Variants in FOCAD observed in about 807,000 individuals in gnomAD.
FOCAD encodes the protein KIAA1797.
In FOCAD, 198 loss-of-function variants were observed where a neutral mutation model predicts 225.6. The observed-to-expected ratio is 0.88, with a 90% CI of 0.78 to 0.99. The LOEUF (loss-of-function observed/expected upper bound fraction) is 0.99. FOCAD is among the 50% of genes least tolerant of loss of function. The pLI, the probability that FOCAD is intolerant of heterozygous loss-of-function variation, is 0.00. For missense variants in FOCAD, 2,713 were observed against 2,123.6 expected (o/e 1.28, Z -5.46); for synonymous variants, 897 against 755.0 (o/e 1.19, Z -3.08).
chr9:20,818,839 T>G (rs1824013014), intron 11 of FOCAD, among the ~76,000 whole-genome samples: 1 of 152,158 alleles, frequency 6.6e-6, no homozygotes, highest in African/African-American at 2.4e-5. Context: ...CAGGATTATT[T>G]AGGGTATTTA....
chr9:20,852,617 A>C (rs533267418), intron 15 of FOCAD, among the ~76,000 whole-genome samples: 1 of 151,756 alleles, frequency 6.6e-6, no homozygotes, highest in Admixed American at 6.6e-5. Flanking sequence ...ATTCCTAAAA[A>C]CTTTATCTTT....
At chr9:20,949,366 A>C (rs901996889) in intron 32 of FOCAD, among the ~76,000 whole-genome samples, 1 of 152,160 alleles carries the variant, frequency 6.6e-6, no homozygotes, top group African/African-American at 2.4e-5. Context: ...GTTTTTATGC[A>C]TTAAAAGTTG....
chr9:20,857,377 C>G (rs1055952704), intron 15 of FOCAD, among the ~76,000 whole-genome samples: 12 of 150,732 alleles, frequency 8.0e-5, no homozygotes, highest in Non-Finnish European at 1.0e-4. Context: ...GAATTCCTTT[C>G]TTGGTTTCTT....
chr9:20,718,756 C>A (rs532725184), intron 3 of FOCAD, among the ~76,000 whole-genome samples: 1 of 152,248 alleles, frequency 6.6e-6, no homozygotes, highest in South Asian at 2.1e-4. Context: ...ACTTAAACTG[C>A]CAGGATTTAT....
At chr9:20,748,269 G>T (rs1236815237) in intron 5 of FOCAD, among the ~76,000 whole-genome samples, 1 of 151,986 alleles carries the variant, frequency 6.6e-6, no homozygotes, top group Non-Finnish European at 1.5e-5. Flanking sequence ...ACCATTTCTG[G>T]ACAGAACATA....
At chr9:20,809,743 A>C (rs1253945434) in intron 11 of FOCAD, among the ~76,000 whole-genome samples, 1 of 152,170 alleles carries the variant, frequency 6.6e-6, no homozygotes, top group Non-Finnish European at 1.5e-5. Flanking sequence ...GCTGTGAACC[A>C]CTTGAGATGG....
intron 17 of FOCAD, 28 bp downstream of exon 17, chr9:20,866,004 C>G (rs773166608): frequency 1.3e-6 from 2 of 1,560,166 alleles, no homozygotes; most frequent in South Asian, 2.3e-5. Flanking sequence ...GTCAGTGAAT[C>G]AGAACAAAGC....
At chr9:20,784,574 A>G (rs552207919) in intron 10 of FOCAD, among the ~76,000 whole-genome samples, 10 of 152,304 alleles carry the variant, frequency 6.6e-5, no homozygotes, top group African/African-American at 2.4e-4. Flanking sequence ...AGGAGGGCAA[A>G]ATTCATCTTT....
rs772378731 is a variant in FOCAD at position 20,990,185 on chromosome 9, C to T, written c.5067C>T (p.Ala1689=). The T allele has an allele frequency of 1.2e-6, 2 of 1,614,182 alleles. No individual in the cohort carries two copies. The highest frequency in any genetic ancestry group is 4.5e-5 in the East Asian group (2 of 44,860). ...TAVVAWADHT[A]PLLLGLSASW... ...TGGTTGCATGGGCTGACCACACTGC[C>T]CCTCTCCTCCTCGGCCTCAGTGCCA... The change falls in exon 42 of 44, where the codon GCC becomes GCT. Residue 1689 remains alanine (A), a synonymous_variant. Coordinates refer to ENST00000338382, the MANE Select transcript of FOCAD (RefSeq NM_001375567.1).
chr9:20,964,508 A>G (rs1384393053), intron 35 of FOCAD, among the ~76,000 whole-genome samples: 3 of 152,214 alleles, frequency 2.0e-5, no homozygotes, highest in Non-Finnish European at 4.4e-5. Flanking sequence ...CTGGTAGCAT[A>G]GCACAGAAGA....
chr9:20,934,495 G>T (rs570181238), intron 28 of FOCAD, among the ~76,000 whole-genome samples: 1 of 151,890 alleles, frequency 6.6e-6, no homozygotes, highest in Non-Finnish European at 1.5e-5. Context: ...GTTGAGTAGG[G>T]TGTCCTTTAC....
intron 8 of FOCAD, among the ~76,000 whole-genome samples, chr9:20,777,692 A>T (rs1818903096): frequency 6.6e-6 from 1 of 152,242 alleles, no homozygotes; most frequent in Non-Finnish European, 1.5e-5. Flanking sequence ...GTAATTCATT[A>T]TGCAAGTTAT....
chr9:20,995,524 A>T lies in FOCAD; in HGVS notation c.5333-32A>T, dbSNP rs1324333917. ...CTTTTTGATCAAAATGACCTTTTCA[A>T]ATGCAGCCATACCTATATTTTGTCC... On this transcript the variant is annotated intron_variant, in intron 43 of 43. Transcript: ENST00000338382. 6 of 1,579,854 alleles carry T rather than the reference A, an allele frequency of 3.8e-6. No homozygotes were observed. The South Asian group carries it at 6.7e-5, about 18-fold the overall frequency.
chr9:20,700,674 T>C (rs553780269), intron 1 of FOCAD, among the ~76,000 whole-genome samples: 2 of 152,356 alleles, frequency 1.3e-5, no homozygotes, highest in South Asian at 4.1e-4. Context: ...TACTTCTGGC[T>C]GTTATTTATT....
At chr9:20,943,259 T>G (rs1836847471) in intron 28 of FOCAD, among the ~76,000 whole-genome samples, 1 of 152,244 alleles carries the variant, frequency 6.6e-6, no homozygotes, top group African/African-American at 2.4e-5. Context: ...GTAACAGCAG[T>G]TCTGCCTGAC....
At chr9:20,919,870 C>T (rs1443450214) in intron 24 of FOCAD, among the ~76,000 whole-genome samples, 2 of 151,832 alleles carry the variant, frequency 1.3e-5, no homozygotes, top group Admixed American at 6.6e-5. Flanking sequence ...TAGAAGAAAA[C>T]CTAGGCAATA....
chr9:20,661,483 G>A (rs1314790085), intron 2 of FOCAD, among the ~76,000 whole-genome samples: 1 of 152,142 alleles, frequency 6.6e-6, no homozygotes, highest in Non-Finnish European at 1.5e-5. Flanking sequence ...GAATTTAAAT[G>A]GTTGGGAGGC....
exon 1 of FOCAD, chr9:20,658,339 A>C (rs965237259): frequency 9.5e-5 from 16 of 168,542 alleles, no homozygotes; most frequent in African/African-American, 3.8e-4. Context: ...TTGTTTACCT[A>C]ATCAAGCCTG....
Position 20,944,688 on chromosome 9 carries a change from C to G in FOCAD, c.3469C>G (p.Gln1157Glu), listed in dbSNP as rs1378935659. 6.2e-7 allele frequency: 1 copy of G among 1,614,094 alleles called. No individual in the cohort carries two copies. Among genetic ancestry groups the G allele is most frequent in the Admixed American group, 1.7e-5 (1 of 60,020 alleles). Residue 1157 changes from glutamine (Q) to glutamate (E), a missense_variant, in exon 29 of 44, where the codon CAG (glutamine) becomes GAG (glutamate). Physicochemically the swap from Gln to Glu is conservative, Grantham distance 29. Coordinates refer to ENST00000338382, the MANE Select transcript of FOCAD (RefSeq NM_001375567.1). Reference protein sequence around the residue: ...LSLMSHSSQMQSRVHVAALLR... With the variant: ...LSLMSHSSQMESRVHVAALLR... ...CCTCATGAGCCACAGCAGCCAAATG[C>G]AGTCCCGCGTTCACGTAGCAGCATT... is the stretch of plus-strand genomic sequence containing the variant.
Sources: allele counts gnomAD v4.1 joint callset (sites outside exome capture counted in the v4.1 genomes callset), GRCh38; gene constraint gnomAD v4.1.1; transcripts MANE v1.5; gene names NCBI Gene and HGNC (gene_info 2026-07-23, HGNC 2026-07-21).